The following F5 variants were observed in gnomAD, a reference collection of about 807,000 sequenced individuals.
F5 encodes the protein activated protein c cofactor.
Under a neutral mutation model 216.4 loss-of-function variants are expected in F5, and 138 were observed. The ratio of observed to expected loss-of-function variants is 0.64; its 90% CI spans 0.56 to 0.73. The LOEUF is 0.73. Ranked by LOEUF, F5 falls within the 30% of genes least tolerant of loss-of-function variation. The probability of loss-of-function intolerance (pLI) is 0.00; values close to 1 mark genes in which losing one functional copy is unlikely to be tolerated. For missense variants in F5, 2,403 were observed against 2,674.0 expected, an observed-to-expected ratio of 0.90 and a Z score of 2.24; for synonymous variants, 916 against 930.7, an observed-to-expected ratio of 0.98 and a Z score of 0.29.
intron 3 of F5, among the ~76,000 whole-genome samples, chr1:169,569,381 T>C (rs1019609246): frequency 1.3e-5 from 2 of 152,088 alleles, no homozygotes; most frequent in Non-Finnish European, 2.9e-5. Context: ...ATCACATTCA[T>C]ATGCAACTCA....
intron 2 of F5, among the ~76,000 whole-genome samples, chr1:169,580,403 A>C (rs1393446201): frequency 1.2e-4 from 18 of 146,994 alleles, no homozygotes; most frequent in Admixed American, 4.1e-4. Flanking sequence ...TTTTTTTTTG[A>C]GATAGAGTTT....
chr1:169,582,332 C>T, intron 2 of F5, 99 bp downstream of exon 2: 1 of 647,740 alleles, frequency 1.5e-6, no homozygotes, highest in Middle Eastern at 3.6e-4. Context: ...CCACACGTTT[C>T]TATAAATTTT....
Position 169,541,882 on chromosome 1 carries a change from G to A in F5, c.3208C>T (p.Leu1070Phe). 3 of 1,614,152 alleles carry A rather than the reference G, an allele frequency of 1.9e-6. No homozygotes were observed. The highest frequency in any genetic ancestry group is 2.5e-6 in the Non-Finnish European group (3 of 1,179,998). The change falls in exon 13 of 25, where the codon CTT becomes TTT. Residue 1070 changes from leucine to phenylalanine, a missense_variant. By Grantham distance (22) the Leu-to-Phe change is conservative (BLOSUM62 0). Around this residue, in one of 4 missense-constraint regions of F5, gnomAD observed 1,425 missense variants for 1,554.8 expected, o/e 0.92. Transcript: ENST00000367797. ...SERRLKHSLV[L>F]HKSNETSLPT... The stretch of plus-strand genomic sequence containing the variant: ...AGAGATGTTTCATTGGATTTATGAA[G>A]CACCAACGAATGCTTAAGTCTTCTT...
In F5 at chr1:169,512,318, C is replaced by T. The variant is rs891203774; in HGVS notation, c.*1995G>A. Among the ~76,000 whole-genome samples, 1 of 151,976 alleles carries T rather than the reference C, an allele frequency of 6.6e-6. No homozygotes were observed. The highest frequency in any genetic ancestry group is 2.4e-5 in the African/African-American group (1 of 41,396). ...CTCCATTCCCATCTCTTCCCTACCCCCCATTATTTCATAAGATTTTCTTGC... is the reference window on the plus strand; with the variant it reads ...CTCCATTCCCATCTCTTCCCTACCCTCCATTATTTCATAAGATTTTCTTGC... On this transcript the variant is annotated 3_prime_UTR_variant, in exon 25 of 25. Transcript: ENST00000367797.
chr1:169,526,268 A>G (rs969426274), intron 17 of F5, among the ~76,000 whole-genome samples: 4 of 152,192 alleles, frequency 2.6e-5, no homozygotes, highest in Non-Finnish European at 5.9e-5. Flanking sequence ...TTATCTAAAT[A>G]TAATGTTACA....
chr1:169,576,700 T>C (rs1334364736), intron 2 of F5, among the ~76,000 whole-genome samples: 1 of 152,172 alleles, frequency 6.6e-6, no homozygotes, highest in Non-Finnish European at 1.5e-5. Context: ...ACCCTCTGTC[T>C]TGGCTCCTGA....
chr1:169,528,552 T>C (rs1002087315), intron 16 of F5, among the ~76,000 whole-genome samples: 8 of 152,224 alleles, frequency 5.3e-5, no homozygotes, highest in African/African-American at 1.9e-4. Flanking sequence ...AATTAGGAAG[T>C]CTAGGAGTTT....
chr1:169,546,345 G>A, intron 11 of F5, 97 bp downstream of exon 11: 1 of 1,445,054 alleles, frequency 6.9e-7, no homozygotes, highest in South Asian at 1.2e-5. Context: ...GTGCCCCTTA[G>A]CGAGTAGATT....
chr1:169,534,556 T>G (rs1266120584), intron 14 of F5, among the ~76,000 whole-genome samples: 2 of 151,540 alleles, frequency 1.3e-5, no homozygotes, highest in East Asian at 3.9e-4. Context: ...TAATCCCAGC[T>G]ACTCGGGAGG....
At chr1:169,534,126 G>A (rs1199160260) in intron 14 of F5, among the ~76,000 whole-genome samples, 9 of 152,030 alleles carry the variant, frequency 5.9e-5, no homozygotes, top group Admixed American at 3.3e-4. Context: ...CCCCAGTCAC[G>A]TACCCCCTCC....
chr1:169,540,433 C>A lies in F5; in HGVS notation c.4657G>T (p.Asp1553Tyr). Residue 1553 changes from aspartate (D) to tyrosine (Y), a missense_variant, in exon 13 of 25, where the codon GAT (aspartate) becomes TAT (tyrosine). Transcript: ENST00000367797. ...GAGGAGTTGATGTTTGTCCTAACAT[C>A]AGTTTTGTAGGGGTCATCATAGGGC... ...YVPYDDPYKTDVRTNINSSRD... is the reference protein window; with the variant it reads ...YVPYDDPYKTYVRTNINSSRD... 1 of 1,613,974 alleles carries A rather than the reference C, an allele frequency of 6.2e-7. No homozygotes were observed. The highest frequency in any genetic ancestry group is 8.5e-7 in the Non-Finnish European group (1 of 1,179,948).
At chr1:169,531,360 A>T (rs568870384) in intron 14 of F5, among the ~76,000 whole-genome samples, 2 of 152,322 alleles carry the variant, frequency 1.3e-5, no homozygotes, top group Non-Finnish European at 2.9e-5. Flanking sequence ...CTCCTGCTGA[A>T]ACAGACATGC....
At chr1:169,519,412 C>G (rs1177811721) in intron 22 of F5, among the ~76,000 whole-genome samples, 2 of 152,076 alleles carry the variant, frequency 1.3e-5, no homozygotes, top group Non-Finnish European at 2.9e-5. Context: ...CTGAACAAAT[C>G]TATTTATACC....
In F5 at chr1:169,512,315, C is replaced by T. The variant is rs998999347; in HGVS notation, c.*1998G>A. Among the ~76,000 whole-genome samples the T allele has an allele frequency of 6.6e-6, 1 of 151,908 alleles. No individual in the cohort carries two copies. The highest frequency in any genetic ancestry group is 1.5e-5 in the Non-Finnish European group (1 of 67,962). On this transcript the variant is annotated 3_prime_UTR_variant, in exon 25 of 25. Transcript: ENST00000367797. ...ATGCTCCATTCCCATCTCTTCCCTA[C>T]CCCCCATTATTTCATAAGATTTTCT...
At chr1:169,584,594 G>A (rs1300756908) in intron 1 of F5, among the ~76,000 whole-genome samples, 3 of 152,218 alleles carry the variant, frequency 2.0e-5, no homozygotes, top group African/African-American at 7.2e-5. Context: ...TCTGCTTTGT[G>A]CTAAAATACA....
At chr1:169,525,252 T>C (rs1659416433) in intron 18 of F5, among the ~76,000 whole-genome samples, 1 of 152,132 alleles carries the variant, frequency 6.6e-6, no homozygotes. Flanking sequence ...ATCCTAGCAC[T>C]CTGGGAGGCC....
At chr1:169,558,709 G>A (rs1424861571) in intron 5 of F5, among the ~76,000 whole-genome samples, 1 of 152,170 alleles carries the variant, frequency 6.6e-6, no homozygotes, top group African/African-American at 2.4e-5. Flanking sequence ...AGATGCCACT[G>A]AATATTACTC....
chr1:169,555,975 T>C (rs977836486), intron 6 of F5, among the ~76,000 whole-genome samples: 1 of 152,232 alleles, frequency 6.6e-6, no homozygotes, highest in African/African-American at 2.4e-5. Flanking sequence ...CCTATTGTGA[T>C]ATCATTTCCT....
chr1:169,556,500 A>C (rs1660333316), intron 6 of F5, 146 bp downstream of exon 6: 1 of 729,338 alleles, frequency 1.4e-6, no homozygotes, highest in African/African-American at 1.8e-5. Context: ...ATCTAAGAGC[A>C]AAATATCTAA....
Sources: gnomAD v4.1 joint callset for allele counts (sites outside exome capture counted in the v4.1 genomes callset) on GRCh38, gnomAD v4.1.1 for gene constraint, gnomAD v4.1.1 regional missense constraint, MANE v1.5 for transcripts, NCBI Gene and HGNC (gene_info 2026-07-23, HGNC 2026-07-21) for gene names.